FARP1: variants seen among roughly 807,000 people sequenced by gnomAD.
The protein encoded by FARP1 is FERM, ARHGEF and pleckstrin domain-containing protein 1.
A neutral mutation model predicts 128.8 loss-of-function variants in FARP1; 52 were observed. That is an observed-to-expected ratio of 0.40 (90% CI 0.32 to 0.51). The LOEUF (loss-of-function observed/expected upper bound fraction) is 0.51. FARP1 is among the 20% of genes least tolerant of loss of function. The pLI, the probability that FARP1 is intolerant of heterozygous loss-of-function variation, is 0.45. For missense variants in FARP1, 1,333 were observed against 1,367.9 expected, an observed-to-expected ratio of 0.97 and a Z score of 0.40; for synonymous variants, 580 against 551.8, an observed-to-expected ratio of 1.05 and a Z score of -0.72.
At chr13:98,308,033 C>CTTTTTTTTTTTTTT (rs10536692) in intron 2 of FARP1, among the ~76,000 whole-genome samples, 1 of 16,966 alleles carries the variant, frequency 5.9e-5, no homozygotes. Context: ...CACTCTCTCT[C>CTTTTTTTTTTTTTT]TTTTTTTTTT....
chr13:98,370,224 C>G (rs1889268094), intron 5 of FARP1, among the ~76,000 whole-genome samples: 1 of 152,192 alleles, frequency 6.6e-6, no homozygotes, highest in South Asian at 2.1e-4. Context: ...GCAGTCAGTA[C>G]TCTGCCCAAG....
At chr13:98,172,852 C>A (rs1295544147) in intron 1 of FARP1, among the ~76,000 whole-genome samples, 1 of 152,158 alleles carries the variant, frequency 6.6e-6, no homozygotes, top group African/African-American at 2.4e-5. Flanking sequence ...TAACTTTACA[C>A]GTTTCTGAAA....
intron 2 of FARP1, among the ~76,000 whole-genome samples, chr13:98,296,688 CTT>C (rs11420681): frequency 1.0e-3 from 125 of 123,260 alleles, no homozygotes; most frequent in African/African-American, 3.6e-3. Flanking sequence ...ACTTAATGGC[CTT>C]TTTTTTTTTT....
intron 1 of FARP1, among the ~76,000 whole-genome samples, chr13:98,165,028 A>T (rs1269061015): frequency 6.6e-6 from 1 of 152,090 alleles, no homozygotes; most frequent in African/African-American, 2.4e-5. Flanking sequence ...CAGCCTGGGC[A>T]GCATGGCAAA....
intron 2 of FARP1, among the ~76,000 whole-genome samples, chr13:98,262,350 C>T (rs1000492666): frequency 3.3e-5 from 5 of 152,008 alleles, no homozygotes; most frequent in African/African-American, 1.2e-4. Flanking sequence ...GCCGACTTTT[C>T]TTCTTCCTCC....
intron 2 of FARP1, among the ~76,000 whole-genome samples, chr13:98,237,867 G>T (rs892800038): frequency 6.6e-6 from 1 of 152,056 alleles, no homozygotes; most frequent in East Asian, 1.9e-4. Flanking sequence ...TCAAGTGGTC[G>T]CTATGGCTAC....
chr13:98,220,241 A>T (rs1277842543), intron 2 of FARP1, among the ~76,000 whole-genome samples: 1 of 152,128 alleles, frequency 6.6e-6, no homozygotes, highest in Non-Finnish European at 1.5e-5. Flanking sequence ...AGATCCCAGG[A>T]CTACTTAATT....
At chr13:98,358,728 C>A (rs1322643861) in intron 3 of FARP1, among the ~76,000 whole-genome samples, 1 of 152,054 alleles carries the variant, frequency 6.6e-6, no homozygotes, top group Admixed American at 6.6e-5. Context: ...CTCCGCCTCG[C>A]AGGTTCAAGT....
At chr13:98,267,931 T>C (rs1371131323) in intron 2 of FARP1, among the ~76,000 whole-genome samples, 1 of 127,784 alleles carries the variant, frequency 7.8e-6, no homozygotes, top group Non-Finnish European at 1.7e-5. Flanking sequence ...CAGACACGGA[T>C]ACTTAAAAAA....
At chr13:98,144,536 C>T (rs1051364137) in intron 1 of FARP1, among the ~76,000 whole-genome samples, 16 of 152,148 alleles carry the variant, frequency 1.1e-4, no homozygotes, top group Middle Eastern at 3.2e-3. Flanking sequence ...CAGGTTTGAC[C>T]GCCCAGCCCT....
intron 16 of FARP1, 123 bp downstream of exon 16, chr13:98,412,157 A>C: frequency 1.1e-6 from 1 of 872,456 alleles, no homozygotes; most frequent in Non-Finnish European, 1.8e-6. Flanking sequence ...GGCTTACAAC[A>C]AGTCAGCCTT....
chr13:98,427,844 TA>T (rs1891845619), intron 17 of FARP1, among the ~76,000 whole-genome samples: 1 of 152,156 alleles, frequency 6.6e-6, no homozygotes, highest in African/African-American at 2.4e-5. Flanking sequence ...GCAAGCAAAA[TA>T]AAAATAGACG....
intron 2 of FARP1, among the ~76,000 whole-genome samples, chr13:98,297,536 GCC>G (rs1885750632): frequency 6.6e-6 from 1 of 152,208 alleles, no homozygotes; most frequent in Admixed American, 6.5e-5. Context: ...TATGACTACA[GCC>G]AACTGTAGGT....
chr13:98,302,079 A>G (rs762604336), intron 2 of FARP1, among the ~76,000 whole-genome samples: 7 of 152,206 alleles, frequency 4.6e-5, no homozygotes, highest in Non-Finnish European at 1.0e-4. Context: ...TTCCCTGCAT[A>G]GAAGTAGGAA....
intron 1 of FARP1, chr13:98,208,477 CA>C (rs60575077): frequency 6.4e-4 from 84 of 131,816 alleles, no homozygotes; most frequent in Middle Eastern, 4.2e-3. Flanking sequence ...GACTCCATCT[CA>C]AAAAAAAAAA....
chr13:98,246,984 G>A (rs1316041108), intron 2 of FARP1, among the ~76,000 whole-genome samples: 1 of 152,234 alleles, frequency 6.6e-6, no homozygotes, highest in Non-Finnish European at 1.5e-5. Context: ...CCAGCACTTT[G>A]GGAGGCCAAG....
chr13:98,158,850 A>G (rs1876671224), intron 1 of FARP1, among the ~76,000 whole-genome samples: 1 of 152,152 alleles, frequency 6.6e-6, no homozygotes. Context: ...CGTCTGCGTC[A>G]TGCTGTTTGT....
intron 1 of FARP1, among the ~76,000 whole-genome samples, chr13:98,153,250 G>T (rs1322451278): frequency 7.9e-6 from 1 of 126,858 alleles, no homozygotes; most frequent in African/African-American, 2.7e-5. Context: ...GTGAAGAAAA[G>T]TTAAGTGATG....
intron 2 of FARP1, among the ~76,000 whole-genome samples, chr13:98,278,991 A>ATTTTTTTTTT (rs1159451553): frequency 7.6e-6 from 1 of 132,080 alleles, no homozygotes; most frequent in Non-Finnish European, 1.6e-5. Context: ...ACGCCCTGCT[A>ATTTTTTTTTT]ATTTTTTTTT....
Sources: gnomAD v4.1 joint callset for allele counts (sites outside exome capture counted in the v4.1 genomes callset) on GRCh38, gnomAD v4.1.1 for gene constraint, MANE v1.5 for transcripts, NCBI Gene and HGNC (gene_info 2026-07-23, HGNC 2026-07-21) for gene names.